Variants in ZRANB1 observed in about 807,000 individuals in gnomAD.
ZRANB1 encodes the protein zinc finger RANBP2-type containing 1.
ZRANB1 carries 16 observed loss-of-function variants against 80.5 expected under a neutral mutation model. The ratio of observed to expected loss-of-function variants is 0.20; its 90% CI spans 0.13 to 0.30. The LOEUF (loss-of-function observed/expected upper bound fraction) is 0.30. ZRANB1 is among the 10% of genes least tolerant of loss of function. ZRANB1 has a pLI of 1.00. For missense variants in ZRANB1, 576 were observed against 862.6 expected (o/e 0.67, Z 4.16); for synonymous variants, 291 against 293.1 (o/e 0.99, Z 0.07).
chr10:124,981,953 A>T, intron 6 of ZRANB1, 124 bp downstream of exon 6: 1 of 1,220,816 alleles, frequency 8.2e-7, no homozygotes, highest in East Asian at 2.5e-5. Flanking sequence ...ACGTGGTATC[A>T]TCAGTCAACT....
chr10:124,975,324 C>T (rs1238956390), intron 5 of ZRANB1, among the ~76,000 whole-genome samples: 1 of 152,162 alleles, frequency 6.6e-6, no homozygotes, highest in African/African-American at 2.4e-5. Flanking sequence ...CAGAAAGACT[C>T]GTGGGTCAAT....
At chr10:124,922,263 AT>A in the ZRANB1 span, among the ~76,000 whole-genome samples, 2 of 97,940 alleles carry the variant, frequency 2.0e-5, no homozygotes, top group South Asian at 2.7e-4. Context: ...TATGTAAAAT[AT>A]ATATATATAT....
At chr10:124,964,323 A>AC (rs1041269829) in intron 1 of ZRANB1, among the ~76,000 whole-genome samples, 2 of 152,012 alleles carry the variant, frequency 1.3e-5, no homozygotes, top group Non-Finnish European at 2.9e-5. Context: ...TCTGCACCCC[A>AC]CCCCCCAGTG....
chr10:124,957,103 G>C (rs951666741), intron 1 of ZRANB1, among the ~76,000 whole-genome samples: 1 of 151,148 alleles, frequency 6.6e-6, no homozygotes, highest in African/African-American at 2.4e-5. Context: ...GCCCCACCTT[G>C]TTCAGTTAAG....
At chr10:124,945,046 G>A (rs189394787) in intron 1 of ZRANB1, among the ~76,000 whole-genome samples, 1 of 152,264 alleles carries the variant, frequency 6.6e-6, no homozygotes, top group Admixed American at 6.5e-5. Context: ...AATTTAAACA[G>A]GAGATACAAA....
In ZRANB1 at chr10:124,962,381, A is replaced by G. The variant is rs1951740958; in HGVS notation, c.815-4213A>G. 6 of 985,210 alleles carry G rather than the reference A, an allele frequency of 6.1e-6. No homozygotes were observed. The African/African-American group carries it at 8.7e-5, about 14-fold the overall frequency. The allele number at this position is 985,210 out of a possible 1,614,324, so 61.0% of individuals were successfully genotyped here. On this transcript the variant is annotated intron_variant, in intron 1 of 8. Transcript: ENST00000359653. Reference sequence around the variant, plus strand: ...CACAGCTACCATAGAACTCCAGGGTAGTGTTGGGCTGGCCCATGTGGGCTC... The same window carrying G: ...CACAGCTACCATAGAACTCCAGGGTGGTGTTGGGCTGGCCCATGTGGGCTC...
chr10:124,949,468 C>CACATATGTATATATATATGTTT (rs1314247084), intron 1 of ZRANB1, among the ~76,000 whole-genome samples: 1 of 150,432 alleles, frequency 6.6e-6, no homozygotes, highest in Admixed American at 6.6e-5. Context: ...TATGTTTACA[C>CACATATGTATATATATATGTTT]ACACATATAT....
chr10:124,921,798 A>G, the ZRANB1 span, among the ~76,000 whole-genome samples: 6 of 151,882 alleles, frequency 4.0e-5, no homozygotes, highest in Non-Finnish European at 8.8e-5. Flanking sequence ...TGATTTCACC[A>G]CCTGAAAAAT....
chr10:124,933,915 A>G, the ZRANB1 span, among the ~76,000 whole-genome samples: 1 of 152,214 alleles, frequency 6.6e-6, no homozygotes, highest in Non-Finnish European at 1.5e-5. Flanking sequence ...GAACAGAAAG[A>G]GCATTAATAT....
chr10:124,935,536 G>A, the ZRANB1 span, among the ~76,000 whole-genome samples: 1 of 152,182 alleles, frequency 6.6e-6, no homozygotes, highest in Non-Finnish European at 1.5e-5. Flanking sequence ...GTCTTCCATT[G>A]CCTTCCACAA....
chr10:124,922,006 C>T, the ZRANB1 span, among the ~76,000 whole-genome samples: 24 of 151,760 alleles, frequency 1.6e-4, no homozygotes, highest in African/African-American at 5.6e-4. Context: ...TGCTGTGTCT[C>T]CCAGGCCAGA....
upstream of ZRANB1, among the ~76,000 whole-genome samples, chr10:124,941,382 C>T (rs1175442765): frequency 1.3e-5 from 2 of 152,032 alleles, no homozygotes; most frequent in Non-Finnish European, 2.9e-5. Context: ...GGGATGGAGT[C>T]TCACTCTGTC....
chr10:124,934,407 G>T, the ZRANB1 span, among the ~76,000 whole-genome samples: 6 of 152,106 alleles, frequency 3.9e-5, no homozygotes, highest in African/African-American at 1.4e-4. Context: ...ACTAATTTAG[G>T]ACTTTTAGAA....
rs1358747877 is a variant in ZRANB1 at position 124,985,651 on chromosome 10, A to G, written c.*659A>G. The G allele has an allele frequency of 1.8e-5, 1 of 54,746 alleles. No individual in the cohort carries two copies. Among genetic ancestry groups the G allele is most frequent in the East Asian group, 1.9e-3 (1 of 522 alleles). 3.4% of individuals were successfully genotyped at this position (54,746 alleles called of 1,614,324 possible). ...TTTGAAGAGGGTTTTGGTTTTGGTT[A>G]TTGTGTCTTTAAGTTTTCTGATATG... On this transcript the variant is annotated 3_prime_UTR_variant, in exon 9 of 9. Coordinates refer to ENST00000359653, the MANE Select transcript of ZRANB1 (RefSeq NM_017580.3).
At chr10:124,971,489 A>G (rs1451936532) in intron 2 of ZRANB1, among the ~76,000 whole-genome samples, 2 of 152,232 alleles carry the variant, frequency 1.3e-5, no homozygotes, top group Non-Finnish European at 2.9e-5. Flanking sequence ...AGTGGGAACT[A>G]ACCCTTTAAA....
the ZRANB1 span, among the ~76,000 whole-genome samples, chr10:124,924,298 A>T: frequency 1.5e-5 from 2 of 136,734 alleles, no homozygotes; most frequent in South Asian, 2.3e-4. Context: ...AGTTTTTTCT[A>T]AAAAAAAAAA....
chr10:124,967,544 C>T (rs1951786565), intron 2 of ZRANB1, among the ~76,000 whole-genome samples: 2 of 152,058 alleles, frequency 1.3e-5, no homozygotes, highest in African/African-American at 2.4e-5. Flanking sequence ...TAGGTATGGG[C>T]GCAGGGGAGT....
intron 5 of ZRANB1, among the ~76,000 whole-genome samples, chr10:124,980,781 T>TC (rs941692598): frequency 3.2e-4 from 48 of 152,200 alleles, no homozygotes; most frequent in South Asian, 1.9e-3. Flanking sequence ...ACTTTTTTTT[T>TC]CCCCCCGCAA....
At position 124,983,801 on chromosome 10, in the gene ZRANB1, T is replaced by C. The variant is rs558296315; in HGVS notation, c.1908+113T>C. 2.8e-4 allele frequency: 208 copies of C among 751,598 alleles called. 2 individuals are homozygous for C. Among genetic ancestry groups the C allele is most frequent in the Middle Eastern group, 2.7e-3 (7 of 2,606 alleles). 46.6% of individuals were successfully genotyped at this position (751,598 alleles called of 1,614,324 possible). Reference sequence around the variant, plus strand: ...ACTATCACTTAATTTCTGAATGTGATGGTAGTAATTGCTGAAGGTACTAGC... The same window carrying C: ...ACTATCACTTAATTTCTGAATGTGACGGTAGTAATTGCTGAAGGTACTAGC... On this transcript the variant is annotated intron_variant, in intron 8 of 8. Coordinates refer to ENST00000359653, the MANE Select transcript of ZRANB1 (RefSeq NM_017580.3). The surrounding 1 kb of genome is among the most constrained non-coding windows in gnomAD (Gnocchi z 6.2).
Sources: gnomAD v4.1 joint callset for allele counts (sites outside exome capture counted in the v4.1 genomes callset) on GRCh38, gnomAD v4.1.1 for gene constraint, Gnocchi (gnomAD v3.1) non-coding constraint, MANE v1.5 for transcripts, NCBI Gene and HGNC (gene_info 2026-07-23, HGNC 2026-07-21) for gene names.